ZNF883: variants seen among roughly 807,000 people sequenced by gnomAD.
The protein encoded by ZNF883 is zinc finger protein 883.
chr9:113,000,142 A>C (rs1828409360), upstream of ZNF883, among the ~76,000 whole-genome samples: 1 of 152,220 alleles, frequency 6.6e-6, no homozygotes. Context: ...ATGATATCAC[A>C]ATAGTTGTGA....
chr9:112,994,773 A>G (rs1327188980), downstream of ZNF883, among the ~76,000 whole-genome samples: 1 of 151,848 alleles, frequency 6.6e-6, no homozygotes, highest in Non-Finnish European at 1.5e-5. Context: ...TTTTGTACAT[A>G]TATCATTTTA....
At chr9:112,991,167 T>G (rs117905400) in intron 1 of ZNF883, among the ~76,000 whole-genome samples, 2,045 of 152,278 alleles carry the variant, frequency 0.013, 36 homozygotes, top group African/African-American at 0.034. Context: ...TTCTCATTTT[T>G]TTAGTTGTGA....
chr9:112,999,137 C>A (rs1828396675), upstream of ZNF883: 1 of 152,028 alleles, frequency 6.6e-6, no homozygotes, highest in East Asian at 1.9e-4. Context: ...TATCTCTTTC[C>A]TCTGAAATAC....
At chr9:112,993,265 CT>C (rs972489733), downstream of ZNF883, among the ~76,000 whole-genome samples, 1 of 152,120 alleles carries the variant, frequency 6.6e-6, no homozygotes, top group African/African-American at 2.4e-5. Context: ...TTTTGTGGGA[CT>C]TTTTTGTTGA....
downstream of ZNF883, among the ~76,000 whole-genome samples, chr9:112,996,098 C>A (rs757020127): frequency 6.0e-5 from 9 of 151,106 alleles, no homozygotes; most frequent in Non-Finnish European, 8.9e-5. Context: ...CAGATTTATT[C>A]TTTAACTCCA....
chr9:112,999,507 T>C (rs1361716819), upstream of ZNF883, among the ~76,000 whole-genome samples: 1 of 152,118 alleles, frequency 6.6e-6, no homozygotes, highest in African/African-American at 2.4e-5. Context: ...AAGGGCTCAG[T>C]CCCACAAGAC....
At chr9:112,997,164 G>T (rs753867176) in exon 1 of ZNF883, 2 of 1,610,954 alleles carry the variant, frequency 1.2e-6, no homozygotes, top group Non-Finnish European at 8.5e-7. Flanking sequence ...TTCTGATGTC[G>T]AATTAAGGAT....
At chr9:113,010,472 G>A (rs1486508425) in intron 2 of ZNF883, among the ~76,000 whole-genome samples, 1 of 152,128 alleles carries the variant, frequency 6.6e-6, no homozygotes, top group East Asian at 1.9e-4. Flanking sequence ...TTGCATGGTT[G>A]TATACACATT....
chr9:113,010,864 TA>T (rs888458670), intron 2 of ZNF883, among the ~76,000 whole-genome samples: 1 of 151,476 alleles, frequency 6.6e-6, no homozygotes, highest in Non-Finnish European at 1.5e-5. Context: ...TGCACGCCTG[TA>T]ATTCCAGCTA....
At chr9:113,011,863 T>C (rs7869125) in intron 1 of ZNF883, among the ~76,000 whole-genome samples, 89,438 of 151,842 alleles carry the variant, frequency 0.59, 27,028 homozygotes, top group East Asian at 0.84. Context: ...TTCTCATGAC[T>C]CTCCAACCCA....
upstream of ZNF883, among the ~76,000 whole-genome samples, chr9:113,000,455 G>C (rs4978531): frequency 0.42 from 63,135 of 151,914 alleles, 15,261 homozygotes; most frequent in East Asian, 0.72. Flanking sequence ...TTAATTCTGT[G>C]TAAAATGAAT....
At chr9:113,010,496 C>CGTTATG (rs1448295917) in intron 2 of ZNF883, among the ~76,000 whole-genome samples, 4 of 152,134 alleles carry the variant, frequency 2.6e-5, no homozygotes, top group Admixed American at 1.3e-4. Context: ...TGTGCATACA[C>CGTTATG]GTTATGAACT....
downstream of ZNF883, among the ~76,000 whole-genome samples, chr9:112,995,040 C>T (rs962900703): frequency 8.5e-5 from 13 of 152,110 alleles, 1 homozygote; most frequent in South Asian, 4.1e-4. Flanking sequence ...GTCAACTTGA[C>T]GGTCCAAATA....
intron 2 of ZNF883, among the ~76,000 whole-genome samples, chr9:113,004,639 C>T (rs1828458224): frequency 6.6e-6 from 1 of 151,820 alleles, no homozygotes; most frequent in Non-Finnish European, 1.5e-5. Flanking sequence ...ACAATGATGG[C>T]ACTCTGATTT....
downstream of ZNF883, among the ~76,000 whole-genome samples, chr9:112,996,165 T>C (rs1828352214): frequency 6.6e-6 from 1 of 152,170 alleles, no homozygotes; most frequent in South Asian, 2.1e-4. Flanking sequence ...CTACTTTTAG[T>C]TGTTTTCATT....
At chr9:113,006,498 G>C (rs573517351) in intron 2 of ZNF883, among the ~76,000 whole-genome samples, 1 of 152,102 alleles carries the variant, frequency 6.6e-6, no homozygotes, top group East Asian at 1.9e-4. Flanking sequence ...CTGTCGGCTT[G>C]CTCTGGAGTT....
intron 1 of ZNF883, among the ~76,000 whole-genome samples, chr9:112,990,733 C>T (rs1054062497): frequency 6.6e-6 from 1 of 152,102 alleles, no homozygotes; most frequent in African/African-American, 2.4e-5. Flanking sequence ...GCTGTAAATC[C>T]ATCTGGTCCT....
At chr9:113,004,096 G>GAC (rs990030123) in intron 2 of ZNF883, among the ~76,000 whole-genome samples, 3 of 152,316 alleles carry the variant, frequency 2.0e-5, no homozygotes, top group South Asian at 4.1e-4. Flanking sequence ...AAGACCCACA[G>GAC]ACACACACAC....
chr9:113,003,580 CAAAA>C (rs201780460), intron 2 of ZNF883, among the ~76,000 whole-genome samples: 2 of 103,860 alleles, frequency 1.9e-5, no homozygotes, highest in South Asian at 6.3e-4. Context: ...AGTGGAGTCT[CAAAA>C]AAAAAAAAAA....
Sources: gnomAD v4.1 joint callset for allele counts (sites outside exome capture counted in the v4.1 genomes callset) on GRCh38, gnomAD v4.1.1 for gene constraint, MANE v1.5 for transcripts, NCBI Gene and HGNC (gene_info 2026-07-23, HGNC 2026-07-21) for gene names.